Variants in TTC39B observed in about 807,000 individuals in gnomAD.
TTC39B encodes the protein tetratricopeptide repeat protein 39B.
TTC39B carries 92 observed loss-of-function variants against 96.6 expected under a neutral mutation model. The ratio of observed to expected loss-of-function variants is 0.95; its 90% CI spans 0.80 to 1.13. The LOEUF is 1.13. Among genes scored for constraint, TTC39B ranks in the 50% most tolerant of loss-of-function variants. The pLI is 0.00. For missense variants in TTC39B, 955 were observed against 809.3 expected, an observed-to-expected ratio of 1.18 and a Z score of -2.18; for synonymous variants, 367 against 299.4, an observed-to-expected ratio of 1.23 and a Z score of -2.33.
At chr9:15,209,824 T>G (rs934284131) in intron 6 of TTC39B, among the ~76,000 whole-genome samples, 1 of 152,106 alleles carries the variant, frequency 6.6e-6, no homozygotes, top group African/African-American at 2.4e-5. Context: ...ACACCTATTA[T>G]GTGATTCTAT....
At chr9:15,167,029 T>TA (rs57165862) in exon 20 of TTC39B, 6 of 4,158 alleles carry the variant, frequency 1.4e-3, no homozygotes, top group African/African-American at 2.2e-3. Context: ...TATATATATA[T>TA]TTTTTTTTTT....
At chr9:15,166,446 A>G (rs1023054901) in exon 20 of TTC39B, 2 of 152,246 alleles carry the variant, frequency 1.3e-5, no homozygotes, top group African/African-American at 2.4e-5. Flanking sequence ...TCAGTCCACT[A>G]AACAGTCCTT....
intron 7 of TTC39B, among the ~76,000 whole-genome samples, chr9:15,202,732 CAA>C (rs1174910569): frequency 1.5e-3 from 199 of 130,092 alleles, no homozygotes; most frequent in African/African-American, 3.8e-3. Context: ...CCTCCCCCAC[CAA>C]AAAAAAAAAA....
At position 15,229,378 on chromosome 9, in the gene TTC39B, T is replaced by C. The variant is rs141614583; in HGVS notation, c.276-3366A>G. On this transcript the variant is annotated intron_variant, in intron 2 of 19. Coordinates refer to ENST00000512701, the Ensembl canonical transcript of TTC39B. Reference sequence around the variant, plus strand: ...AAGGAACATTTAATTCCCTAGGGAGTATATATCTTGTTTGGCTTGCTATTT... The same window carrying C: ...AAGGAACATTTAATTCCCTAGGGAGCATATATCTTGTTTGGCTTGCTATTT... Among the ~76,000 whole-genome samples the C allele has an allele frequency of 8.5e-5, 13 of 152,200 alleles. 1 individual carries two copies. In the East Asian group the frequency reaches 2.5e-3, roughly 29 times the overall value.
intron 1 of TTC39B, among the ~76,000 whole-genome samples, chr9:15,302,738 G>A (rs923074751): frequency 3.3e-5 from 5 of 151,856 alleles, no homozygotes; most frequent in Non-Finnish European, 7.4e-5. Context: ...AAGCTACTCG[G>A]GAGGCTGAGG....
intron 8 of TTC39B, among the ~76,000 whole-genome samples, chr9:15,198,734 G>T (rs1200317574): frequency 6.6e-6 from 1 of 151,744 alleles, no homozygotes; most frequent in Non-Finnish European, 1.5e-5. Flanking sequence ...AAGCAAAATG[G>T]TAGTCACAAG....
At chr9:15,191,884 G>A (rs557704471) in intron 9 of TTC39B, among the ~76,000 whole-genome samples, 3 of 152,354 alleles carry the variant, frequency 2.0e-5, no homozygotes, top group African/African-American at 7.2e-5. Flanking sequence ...TGGGGAAGAA[G>A]TACGTGGTCA....
chr9:15,189,964 C>CT (rs1818762874), intron 11 of TTC39B, among the ~76,000 whole-genome samples, 172 bp from the exon 12 acceptor site: 1 of 152,142 alleles, frequency 6.6e-6, no homozygotes, highest in South Asian at 2.1e-4. Flanking sequence ...TCACCTATAA[C>CT]TTTAGTTTAA....
intron 1 of TTC39B, among the ~76,000 whole-genome samples, chr9:15,279,982 A>AC (rs1393093883): frequency 2.3e-5 from 3 of 127,782 alleles, no homozygotes; most frequent in African/African-American, 9.3e-5. Flanking sequence ...TGCAACCTCC[A>AC]CCCCCCGGGT....
At chr9:15,199,754 A>AAAG (rs1819417068) in intron 8 of TTC39B, 107 bp downstream of exon 8, 1 of 345,104 alleles carries the variant, frequency 2.9e-6, no homozygotes, top group Non-Finnish European at 5.4e-6. Context: ...AAAAAAAAAA[A>AAAG]AAAAAAAAAA....
At chr9:15,226,713 T>C (rs1416037346) in intron 2 of TTC39B, among the ~76,000 whole-genome samples, 1 of 152,134 alleles carries the variant, frequency 6.6e-6, no homozygotes, top group Non-Finnish European at 1.5e-5. Context: ...ATAAAGAAGG[T>C]AAGGACCAAT....
chr9:15,199,354 T>C (rs62538517), intron 8 of TTC39B, among the ~76,000 whole-genome samples: 20,550 of 152,210 alleles, frequency 0.14, 1,629 homozygotes, highest in Non-Finnish European at 0.19. Flanking sequence ...GCTCTTAAAA[T>C]TGTATTTAAA....
intron 2 of TTC39B, among the ~76,000 whole-genome samples, chr9:15,232,021 C>T (rs1025475167): frequency 6.6e-6 from 1 of 152,102 alleles, no homozygotes. Context: ...GAGCTCGTCA[C>T]TGTGATACTC....
At chr9:15,289,987 C>T (rs1025055686) in intron 1 of TTC39B, among the ~76,000 whole-genome samples, 13 of 152,252 alleles carry the variant, frequency 8.5e-5, no homozygotes, top group South Asian at 4.1e-4. Context: ...CAAAAGCACC[C>T]GTGCTCTCCC....
At position 15,190,536 on chromosome 9, in the gene TTC39B, A is replaced by G. The variant is rs773523464; in HGVS notation, c.1105+18T>C. The G allele has an allele frequency of 1.9e-6, 3 of 1,598,430 alleles. No homozygotes were observed. The highest frequency in any genetic ancestry group is 1.3e-5 in the African/African-American group (1 of 74,640). On this transcript the variant is annotated intron_variant, in intron 11 of 19. Transcript: ENST00000512701. ...AAGACAATCAATGTTCAATGAAACA[A>G]TCTAATCCAGATCTTACCAAGTATT...
chr9:15,202,816 C>T (rs1025056842), intron 7 of TTC39B, among the ~76,000 whole-genome samples: 1 of 152,040 alleles, frequency 6.6e-6, no homozygotes, highest in African/African-American at 2.4e-5. Context: ...AATCTCTACC[C>T]CACCTCACCC....
At chr9:15,295,969 C>G (rs1587029157) in intron 1 of TTC39B, among the ~76,000 whole-genome samples, 1 of 152,134 alleles carries the variant, frequency 6.6e-6, no homozygotes, top group Admixed American at 6.5e-5. Flanking sequence ...CCTCTCTGTC[C>G]TCATCTGTCT....
chr9:15,278,105 A>C (rs887609633), intron 1 of TTC39B, among the ~76,000 whole-genome samples: 8 of 152,258 alleles, frequency 5.3e-5, no homozygotes, highest in African/African-American at 1.9e-4. Context: ...TCGGTTATTT[A>C]ATTTATGGAG....
At chr9:15,260,564 C>T (rs1292565542) in intron 2 of TTC39B, among the ~76,000 whole-genome samples, 2 of 151,994 alleles carry the variant, frequency 1.3e-5, no homozygotes, top group Admixed American at 1.3e-4. Context: ...CACCGATATT[C>T]ACCCTTAATT....
Sources: gnomAD v4.1 joint callset for allele counts (sites outside exome capture counted in the v4.1 genomes callset) on GRCh38, gnomAD v4.1.1 for gene constraint, MANE v1.5 for transcripts, NCBI Gene and HGNC (gene_info 2026-07-23, HGNC 2026-07-21) for gene names.